TRIB2: variants seen among roughly 807,000 people sequenced by gnomAD.
TRIB2 encodes tribbles pseudokinase 2.
TRIB2 carries 2 observed loss-of-function variants against 26.8 expected under a neutral mutation model. That is an observed-to-expected ratio of 0.07 (90% CI 0.03 to 0.24). The LOEUF (loss-of-function observed/expected upper bound fraction) is 0.24, where lower values mean the gene tolerates loss of function less well. Among genes scored for constraint, TRIB2 ranks in the 10% least tolerant of loss-of-function variants. The pLI is 1.00. For synonymous variants in TRIB2, 189 were observed against 187.3 expected (o/e 1.01, Z -0.08); for missense variants, 306 against 449.0 (o/e 0.68, Z 2.88).
Position 12,722,513 on chromosome 2 carries a change from T to C in TRIB2, c.271-747T>C, listed in dbSNP as rs139009776. Among the ~76,000 whole-genome samples the C allele has an allele frequency of 3.8e-4, 58 of 152,370 alleles. 1 individual carries two copies. The East Asian group carries it at 8.3e-3, about 22-fold the overall frequency. ...TTCAAAAGGTATTGATGGTGCCTTT[T>C]CTTTTTAAGCAACCGCACAATGAGT... On this transcript the variant is annotated intron_variant, in intron 1 of 2. Transcript: ENST00000155926.
At chr2:12,736,682 C>G (rs1480665500) in intron 2 of TRIB2, among the ~76,000 whole-genome samples, 1 of 152,188 alleles carries the variant, frequency 6.6e-6, no homozygotes, top group East Asian at 1.9e-4. Flanking sequence ...GTGCCAGGTA[C>G]TCGTCTAGGT....
In TRIB2 at chr2:12,718,673, A is replaced by G. The variant is rs1666654500; in HGVS notation, c.270+96A>G. The G allele has an allele frequency of 6.8e-7, 1 of 1,470,890 alleles. No individual in the cohort carries two copies. Among genetic ancestry groups the G allele is most frequent in the Non-Finnish European group, 9.2e-7 (1 of 1,091,484 alleles). The allele number at this position is 1,470,890 out of a possible 1,614,324, so 91.1% of individuals were successfully genotyped here. A position where few individuals can be genotyped will look rare whatever the true frequency, so the allele number is the denominator to read the frequency against. ...AGTCTGGGAGAGGGAGATTCGCGGG[A>G]TAATTACCGTGGCCTTATTAAATGG... On this transcript the variant is annotated intron_variant, in intron 1 of 2. Coordinates refer to ENST00000155926, the MANE Select transcript of TRIB2 (RefSeq NM_021643.4). This position sits in a 1 kb window ranked among gnomAD's most constrained non-coding sequence, Gnocchi z 4.0.
At chr2:12,727,049 C>T (rs898186332) in intron 2 of TRIB2, among the ~76,000 whole-genome samples, 3 of 152,184 alleles carry the variant, frequency 2.0e-5, no homozygotes, top group Non-Finnish European at 4.4e-5. Context: ...GCCAGCAAGC[C>T]TTGTGCTGCT....
At chr2:12,737,412 G>T (rs1661605266) in intron 2 of TRIB2, 1 of 154,844 alleles carries the variant, frequency 6.5e-6, no homozygotes, top group Non-Finnish European at 1.5e-5. Flanking sequence ...GGTGCCTGTG[G>T]TTCGAGATCC....
Position 12,723,200 on chromosome 2 carries a change from T to TGC in TRIB2, c.271-59_271-58insCG, listed in dbSNP as rs1661263253. The TGC allele has an allele frequency of 1.9e-6, 3 of 1,543,508 alleles. No homozygotes were observed. In the East Asian group the frequency reaches 6.7e-5, roughly 35 times the overall value. The stretch of plus-strand genomic sequence containing the variant: ...CATACCTGTGGGAGGTGCAGCATTA[T>TGC]GTGTTTTGGTTGTACAAGAGGCACC... On this transcript the variant is annotated intron_variant, in intron 1 of 2. Coordinates refer to ENST00000155926, the MANE Select transcript of TRIB2 (RefSeq NM_021643.4).
chr2:12,736,811 A>G (rs1211842009), intron 2 of TRIB2, among the ~76,000 whole-genome samples: 1 of 152,234 alleles, frequency 6.6e-6, no homozygotes, highest in Non-Finnish European at 1.5e-5. Context: ...GATCACCATA[A>G]TGATACATAG....
chr2:12,739,870 G>T (rs996625941), intron 2 of TRIB2, among the ~76,000 whole-genome samples: 5 of 152,204 alleles, frequency 3.3e-5, no homozygotes, highest in Admixed American at 6.5e-5. Context: ...GTGGACTGTG[G>T]TCTGTCATGT....
At chr2:12,737,501 G>C (rs762674991) in intron 2 of TRIB2, 1 of 154,696 alleles carries the variant, frequency 6.5e-6, no homozygotes, top group Non-Finnish European at 1.5e-5. Flanking sequence ...AGTAAGTCTC[G>C]TGGGCCAGCT....
At chr2:12,739,342 C>T (rs551138833) in intron 2 of TRIB2, among the ~76,000 whole-genome samples, 2 of 152,286 alleles carry the variant, frequency 1.3e-5, no homozygotes, top group South Asian at 4.1e-4. Context: ...TCACTGTAAC[C>T]TCCGCCTCCC....
chr2:12,718,277 T>G lies in TRIB2; in HGVS notation c.-31T>G. 4.4e-6 allele frequency: 7 copies of G among 1,590,842 alleles called. No homozygotes were observed. The highest frequency in any genetic ancestry group is 6.0e-6 in the Non-Finnish European group (7 of 1,166,382). ...GCGACTCATCTCTCCAGCGGGTTTT[T>G]TTTTGTTTGTCGTGTGCGATCCTCA... On this transcript the variant is annotated 5_prime_UTR_variant, in exon 1 of 3. Coordinates refer to ENST00000155926, the MANE Select transcript of TRIB2 (RefSeq NM_021643.4). The surrounding 1 kb of genome is among the most constrained non-coding windows in gnomAD (Gnocchi z 4.0).
intron 2 of TRIB2, among the ~76,000 whole-genome samples, chr2:12,739,889 C>A (rs62126070): frequency 0.11 from 17,297 of 152,146 alleles, 1,160 homozygotes; most frequent in African/African-American, 0.19. Context: ...GTTAGTTACA[C>A]GTCTGCCAAA....
chr2:12,722,458 C>A (rs1037205513), intron 1 of TRIB2, among the ~76,000 whole-genome samples: 1 of 152,202 alleles, frequency 6.6e-6, no homozygotes, highest in Non-Finnish European at 1.5e-5. Context: ...CTCAAAAATT[C>A]TCTGTAGTGT....
At chr2:12,721,644 T>C (rs963477208) in intron 1 of TRIB2, among the ~76,000 whole-genome samples, 2 of 152,218 alleles carry the variant, frequency 1.3e-5, no homozygotes, top group Admixed American at 6.5e-5. Context: ...TCTCTGGAGA[T>C]GTTGAAGTAT....
At chr2:12,738,734 G>C (rs1661641612) in intron 2 of TRIB2, among the ~76,000 whole-genome samples, 1 of 152,146 alleles carries the variant, frequency 6.6e-6, no homozygotes, top group Non-Finnish European at 1.5e-5. Flanking sequence ...AGGAGCTTGG[G>C]GCGCTGGGTG....
At chr2:12,720,191 C>G (rs1661170847) in intron 1 of TRIB2, among the ~76,000 whole-genome samples, 1 of 152,208 alleles carries the variant, frequency 6.6e-6, no homozygotes. Context: ...GTGACTCTGG[C>G]CTCTGCTCAT....
At chr2:12,739,184 G>C (rs1327059261) in intron 2 of TRIB2, among the ~76,000 whole-genome samples, 2 of 152,166 alleles carry the variant, frequency 1.3e-5, no homozygotes, top group African/African-American at 2.4e-5. Flanking sequence ...TTAGAACCTG[G>C]TCAAGGACAA....
intron 2 of TRIB2, among the ~76,000 whole-genome samples, chr2:12,734,060 T>C (rs981398875): frequency 6.6e-6 from 1 of 152,084 alleles, no homozygotes; most frequent in Non-Finnish European, 1.5e-5. Flanking sequence ...TAAGCCTTGT[T>C]CATTCAGCAG....
intron 1 of TRIB2, among the ~76,000 whole-genome samples, chr2:12,719,576 G>GT (rs11431277): frequency 0.48 from 66,749 of 138,156 alleles, 16,473 homozygotes; most frequent in East Asian, 0.81. Flanking sequence ...TTTGCTGACT[G>GT]TTTTTTTTTT....
Position 12,741,845 on chromosome 2 carries a change from T to C in TRIB2, c.*1051T>C, listed in dbSNP as rs1446456575. ...TACAGAGAATGATCCTTTTAAGGCT[T>C]GTAAGGCCCTCTGGTTTGGACAAAA... On this transcript the variant is annotated 3_prime_UTR_variant, in exon 3 of 3. Transcript: ENST00000155926. 1 of 152,700 alleles carries C rather than the reference T, an allele frequency of 6.5e-6. No individual in the cohort carries two copies. Among genetic ancestry groups the C allele is most frequent in the African/African-American group, 2.4e-5 (1 of 41,470 alleles). 9.5% of individuals were successfully genotyped at this position (152,700 alleles called of 1,614,324 possible). A position where few individuals can be genotyped will look rare whatever the true frequency, so the allele number is the denominator to read the frequency against.
Sources: gnomAD v4.1 joint callset for allele counts (sites outside exome capture counted in the v4.1 genomes callset) on GRCh38, gnomAD v4.1.1 for gene constraint, Gnocchi (gnomAD v3.1) non-coding constraint, MANE v1.5 for transcripts, NCBI Gene and HGNC (gene_info 2026-07-23, HGNC 2026-07-21) for gene names.